PGCKA1: variants seen among roughly 807,000 people sequenced by gnomAD.
PGCKA1 encodes the protein PDCD10 and GCKIII kinases-associated protein 1.
chr4:37,462,288 A>G, the PGCKA1 span, among the ~76,000 whole-genome samples: 2 of 152,188 alleles, frequency 1.3e-5, no homozygotes, highest in Non-Finnish European at 1.5e-5. Flanking sequence ...TGATCATTTC[A>G]TAGTTAAGGA....
At chr4:37,508,724 C>A in the PGCKA1 span, among the ~76,000 whole-genome samples, 2 of 114,734 alleles carry the variant, frequency 1.7e-5, no homozygotes, top group Non-Finnish European at 1.8e-5. Flanking sequence ...GTGTTTCTTG[C>A]AGAGGGGGAT....
chr4:37,568,039 G>A, the PGCKA1 span, among the ~76,000 whole-genome samples: 2 of 152,180 alleles, frequency 1.3e-5, no homozygotes, highest in Non-Finnish European at 2.9e-5. Flanking sequence ...CATTCAACAT[G>A]GATATCAAAG....
At chr4:37,495,710 G>A in the PGCKA1 span, among the ~76,000 whole-genome samples, 1 of 152,146 alleles carries the variant, frequency 6.6e-6, no homozygotes, top group African/African-American at 2.4e-5. Context: ...GCCTATCGGG[G>A]TTGGGGGCAA....
the PGCKA1 span, among the ~76,000 whole-genome samples, chr4:37,472,164 A>G: frequency 6.6e-6 from 1 of 152,206 alleles, no homozygotes. Context: ...ACAGTCATGC[A>G]GTTAGGCTTG....
chr4:37,585,954 C>T, the PGCKA1 span, among the ~76,000 whole-genome samples: 1 of 151,536 alleles, frequency 6.6e-6, no homozygotes, highest in Non-Finnish European at 1.5e-5. Context: ...TCCTACTTGA[C>T]ATTGTTAATA....
the PGCKA1 span, among the ~76,000 whole-genome samples, chr4:37,560,511 G>C: frequency 6.6e-6 from 1 of 152,106 alleles, no homozygotes; most frequent in Non-Finnish European, 1.5e-5. Context: ...TCAGATTTTT[G>C]GTGGCCAGCT....
At chr4:37,517,394 G>C in the PGCKA1 span, among the ~76,000 whole-genome samples, 1 of 151,464 alleles carries the variant, frequency 6.6e-6, no homozygotes, top group Non-Finnish European at 1.5e-5. Flanking sequence ...CTAAATGCTA[G>C]TGGTAACCAC....
the PGCKA1 span, among the ~76,000 whole-genome samples, chr4:37,539,367 C>A: frequency 2.0e-5 from 3 of 152,124 alleles, no homozygotes; most frequent in African/African-American, 7.2e-5. Flanking sequence ...CCCTCTAAAC[C>A]CTGTGGCAGC....
the PGCKA1 span, among the ~76,000 whole-genome samples, chr4:37,515,710 G>A: frequency 2.2e-3 from 338 of 152,292 alleles, 2 homozygotes; most frequent in African/African-American, 7.8e-3. Context: ...ATTGTAAATT[G>A]AGACAATAGT....
the PGCKA1 span, among the ~76,000 whole-genome samples, chr4:37,538,111 G>A: frequency 4.0e-5 from 6 of 151,400 alleles, no homozygotes; most frequent in Non-Finnish European, 8.8e-5. Flanking sequence ...CAGAACCAGA[G>A]CCTCAAATCT....
chr4:37,589,897 G>A, the PGCKA1 span, among the ~76,000 whole-genome samples: 2 of 152,344 alleles, frequency 1.3e-5, no homozygotes, highest in African/African-American at 4.8e-5. Context: ...CACCCAAATT[G>A]CTGAGATTAC....
At chr4:37,528,331 CTGTT>C in the PGCKA1 span, among the ~76,000 whole-genome samples, 14 of 152,292 alleles carry the variant, frequency 9.2e-5, 1 homozygote, top group East Asian at 2.5e-3. Flanking sequence ...CTAGTGCTCA[CTGTT>C]TGGTTTTGTT....
chr4:37,537,314 G>T, the PGCKA1 span, among the ~76,000 whole-genome samples: 1 of 152,194 alleles, frequency 6.6e-6, no homozygotes, highest in African/African-American at 2.4e-5. Flanking sequence ...CATCAGCAAG[G>T]TGTCTCAGAG....
At chr4:37,480,157 C>G in the PGCKA1 span, among the ~76,000 whole-genome samples, 1 of 152,178 alleles carries the variant, frequency 6.6e-6, no homozygotes, top group Non-Finnish European at 1.5e-5. Context: ...GAAGGAAACA[C>G]GAAACACAGC....
the PGCKA1 span, among the ~76,000 whole-genome samples, chr4:37,552,742 A>C: frequency 2.6e-5 from 4 of 151,862 alleles, no homozygotes; most frequent in Admixed American, 2.0e-4. Context: ...TCTGTACCCA[A>C]CCCTTTTCAT....
the PGCKA1 span, among the ~76,000 whole-genome samples, chr4:37,490,309 A>G: frequency 6.6e-6 from 1 of 152,138 alleles, no homozygotes; most frequent in African/African-American, 2.4e-5. Flanking sequence ...TGAACCCAGC[A>G]ATCTTAATCA....
chr4:37,521,687 T>C, the PGCKA1 span, among the ~76,000 whole-genome samples: 2 of 152,232 alleles, frequency 1.3e-5, no homozygotes, highest in African/African-American at 4.8e-5. Flanking sequence ...GTTCTGTAAA[T>C]ATCTGTTAGA....
At chr4:37,593,089 A>G in the PGCKA1 span, among the ~76,000 whole-genome samples, 1 of 152,240 alleles carries the variant, frequency 6.6e-6, no homozygotes, top group Admixed American at 6.5e-5. Flanking sequence ...GAGCCCTTAA[A>G]AAGATAAAGT....
the PGCKA1 span, among the ~76,000 whole-genome samples, chr4:37,471,433 C>A: frequency 1.3e-5 from 2 of 152,086 alleles, no homozygotes; most frequent in Admixed American, 6.5e-5. Context: ...TGACCCCCTG[C>A]TTATTTTGCT....
Sources: gnomAD v4.1 joint callset for allele counts (sites outside exome capture counted in the v4.1 genomes callset) on GRCh38, gnomAD v4.1.1 for gene constraint, MANE v1.5 for transcripts, NCBI Gene and HGNC (gene_info 2026-07-23, HGNC 2026-07-21) for gene names.